The following TSPAN5 variants were observed in gnomAD, a reference collection of about 807,000 sequenced individuals.
The protein encoded by TSPAN5 is tetraspanin 5.
A neutral mutation model predicts 37.1 loss-of-function variants in TSPAN5; 10 were observed. That is an observed-to-expected ratio of 0.27 (90% CI 0.17 to 0.46). TSPAN5 has a LOEUF of 0.46. Among genes scored for constraint, TSPAN5 ranks in the 20% least tolerant of loss-of-function variants. The pLI is 1.00. For synonymous variants in TSPAN5, 110 were observed against 118.9 expected (o/e 0.93, Z 0.48); for missense variants, 195 against 326.6 (o/e 0.60, Z 3.11).
chr4:98,514,974 A>G (rs755285556), intron 1 of TSPAN5, among the ~76,000 whole-genome samples: 1 of 152,182 alleles, frequency 6.6e-6, no homozygotes, highest in Non-Finnish European at 1.5e-5. Flanking sequence ...GTGGCAGAAG[A>G]CAGAGGAGGC....
intron 1 of TSPAN5, among the ~76,000 whole-genome samples, chr4:98,655,615 G>C (rs1465675636): frequency 6.6e-6 from 1 of 152,226 alleles, no homozygotes; most frequent in Non-Finnish European, 1.5e-5. Context: ...AGGAAACCAT[G>C]CTGTTGGCAA....
chr4:98,501,141 T>C (rs917652400), intron 2 of TSPAN5, among the ~76,000 whole-genome samples: 2 of 152,236 alleles, frequency 1.3e-5, no homozygotes, highest in Non-Finnish European at 2.9e-5. Flanking sequence ...TAATCATATA[T>C]AGATTTCCAC....
intron 1 of TSPAN5, among the ~76,000 whole-genome samples, chr4:98,529,823 C>G (rs529131190): frequency 6.6e-6 from 1 of 152,202 alleles, no homozygotes; most frequent in African/African-American, 2.4e-5. Context: ...TGTTATACAG[C>G]CACAAAATAA....
At chr4:98,505,800 T>C (rs1398565588) in intron 2 of TSPAN5, among the ~76,000 whole-genome samples, 1 of 152,200 alleles carries the variant, frequency 6.6e-6, no homozygotes, top group Non-Finnish European at 1.5e-5. Context: ...CTTCACCCTC[T>C]GCTGCCTCTA....
chr4:98,592,565 T>G (rs1207313911), intron 1 of TSPAN5, among the ~76,000 whole-genome samples: 2 of 147,240 alleles, frequency 1.4e-5, no homozygotes, highest in African/African-American at 2.5e-5. Flanking sequence ...TAGGTATATC[T>G]CCCAATGCTA....
At position 98,478,784 on chromosome 4, in the gene TSPAN5, A is replaced by G; in HGVS notation, c.477T>C (p.Ala159=). Residue 159 remains alanine, a synonymous_variant, in exon 5 of 8, where the codon GCT becomes GCC. Transcript: ENST00000305798. ...AGTAAATATTTAGGTTCCAATCATC[A>G]GCTCCAAAAGCCCCACAGCACTGCC... The part of the protein sequence containing the change: ...EYWQCCGAFG[A]DDWNLNIYFN... 1 of 1,614,038 alleles carries G rather than the reference A, an allele frequency of 6.2e-7. No individual in the cohort carries two copies. Among genetic ancestry groups the G allele is most frequent in the Non-Finnish European group, 8.5e-7 (1 of 1,180,028 alleles).
chr4:98,656,252 T>C (rs557296848), intron 1 of TSPAN5, among the ~76,000 whole-genome samples: 9 of 152,334 alleles, frequency 5.9e-5, no homozygotes, highest in African/African-American at 9.6e-5. Context: ...TACAGCAAAC[T>C]GTCAGGGAAA....
intron 1 of TSPAN5, among the ~76,000 whole-genome samples, chr4:98,629,763 A>G (rs1207477540): frequency 6.6e-6 from 1 of 152,226 alleles, no homozygotes; most frequent in African/African-American, 2.4e-5. Flanking sequence ...CAGCATTCAA[A>G]AAACACCAAT....
intron 1 of TSPAN5, among the ~76,000 whole-genome samples, chr4:98,655,375 T>G (rs1757275042): frequency 6.6e-6 from 1 of 152,214 alleles, no homozygotes; most frequent in Non-Finnish European, 1.5e-5. Context: ...TCATTCTGTG[T>G]AAGAACTAGA....
intron 1 of TSPAN5, among the ~76,000 whole-genome samples, chr4:98,539,031 T>TG (rs1189505524): frequency 6.6e-6 from 1 of 151,970 alleles, no homozygotes; most frequent in Non-Finnish European, 1.5e-5. Context: ...CTGTAACAGT[T>TG]GGGGGTGGGA....
intron 1 of TSPAN5, among the ~76,000 whole-genome samples, chr4:98,549,224 T>C (rs779207118): frequency 1.5e-4 from 23 of 152,202 alleles, no homozygotes; most frequent in Non-Finnish European, 2.9e-4. Flanking sequence ...TTTTAGTCTG[T>C]TGAATAACAA....
chr4:98,555,523 A>G (rs1284040542), intron 1 of TSPAN5, among the ~76,000 whole-genome samples: 1 of 152,070 alleles, frequency 6.6e-6, no homozygotes, highest in Non-Finnish European at 1.5e-5. Flanking sequence ...GTTGTTTTTC[A>G]GCTGTCTCCC....
Position 98,533,725 on chromosome 4 carries a change from T to C in TSPAN5, c.82-25997A>G, listed in dbSNP as rs529352799. ...GCCACCAAGCCTGGCTAATTTTTTG[T>C]ATTTTTAGTAGAGACAGGGTTTCAC... On this transcript the variant is annotated intron_variant, in intron 1 of 7. Transcript: ENST00000305798. 4.6e-4 allele frequency among the ~76,000 whole-genome samples: 68 copies of C among 148,842 alleles called. No individual in the cohort carries two copies. In the East Asian group the frequency reaches 0.013, roughly 29 times the overall value.
intron 1 of TSPAN5, among the ~76,000 whole-genome samples, chr4:98,584,109 A>C (rs991944913): frequency 3.3e-5 from 5 of 152,096 alleles, no homozygotes; most frequent in Admixed American, 2.6e-4. Context: ...GAGAGCTTCC[A>C]AATTATTTTT....
chr4:98,517,292 C>CTG (rs1316424624), intron 1 of TSPAN5, among the ~76,000 whole-genome samples: 84 of 152,132 alleles, frequency 5.5e-4, no homozygotes, highest in African/African-American at 2.0e-3. Flanking sequence ...TTCAGCCACA[C>CTG]ATCCACTTGC....
At position 98,589,597 on chromosome 4, in the gene TSPAN5, C is replaced by A. The variant is rs1480621109; in HGVS notation, c.81+68549G>T. On this transcript the variant is annotated intron_variant, in intron 1 of 7. Transcript: ENST00000305798. The stretch of plus-strand genomic sequence containing the variant: ...CTTTACATTAACTGGATAATTGCTT[C>A]TTTTCTCCAACTGCCTAGACCCACA... Among the ~76,000 whole-genome samples the A allele has an allele frequency of 2.0e-5, 3 of 152,194 alleles. No homozygotes were observed. The East Asian group carries it at 5.8e-4, about 29-fold the overall frequency.
chr4:98,486,904 C>T lies in TSPAN5; in HGVS notation c.133-20G>A, dbSNP rs866763213. ...AACTCCCTGGGAGCAGAAAAGAACA[C>T]ACAACAAGGCACGGGGATGTGGGGT... On this transcript the variant is annotated intron_variant, in intron 2 of 7. Transcript: ENST00000305798. 3 of 1,611,388 alleles carry T rather than the reference C, an allele frequency of 1.9e-6. No homozygotes were observed. The Middle Eastern group carries it at 5.0e-4, about 266-fold the overall frequency.
At chr4:98,572,122 C>A (rs972781472) in intron 1 of TSPAN5, among the ~76,000 whole-genome samples, 13 of 152,160 alleles carry the variant, frequency 8.5e-5, no homozygotes, top group African/African-American at 3.1e-4. Context: ...TACCACCACA[C>A]CTGGCTAATT....
In TSPAN5 at chr4:98,516,868, G is replaced by A. The variant is rs184703805; in HGVS notation, c.82-9140C>T. Among the ~76,000 whole-genome samples the A allele has an allele frequency of 5.5e-4, 83 of 152,246 alleles. 2 individuals are homozygous for A. The highest frequency in any genetic ancestry group is 5.1e-3 in the Admixed American group (78 of 15,280). On this transcript the variant is annotated intron_variant, in intron 1 of 7. Transcript: ENST00000305798. Reference sequence around the variant, plus strand: ...TCTCCTGTTTGATCCCTCTTTGCACGTGTCTGTCTCCCCTTTGTGCATCTC... The same window carrying A: ...TCTCCTGTTTGATCCCTCTTTGCACATGTCTGTCTCCCCTTTGTGCATCTC...
Sources: allele counts gnomAD v4.1 joint callset (sites outside exome capture counted in the v4.1 genomes callset), GRCh38; gene constraint gnomAD v4.1.1; transcripts MANE v1.5; gene names NCBI Gene and HGNC (gene_info 2026-07-23, HGNC 2026-07-21).